Variants in SRP68 observed in about 807,000 individuals in gnomAD.
SRP68 encodes signal recognition particle 68.
A neutral mutation model predicts 82.2 loss-of-function variants in SRP68; 15 were observed. The ratio of observed to expected loss-of-function variants is 0.18; its 90% CI spans 0.12 to 0.28. The LOEUF is 0.28. Ranked by LOEUF, SRP68 falls within the 10% of genes least tolerant of loss-of-function variation. The pLI, the probability that SRP68 is intolerant of heterozygous loss-of-function variation, is 1.00. For missense variants in SRP68, 595 were observed against 780.5 expected (o/e 0.76, Z 2.83); for synonymous variants, 261 against 292.6 (o/e 0.89, Z 1.10).
rs982853222 is a variant in SRP68 at position 76,072,480 on chromosome 17, C to A, written c.12G>T (p.Glu4Asp). 2.5e-6 allele frequency: 4 copies of A among 1,582,902 alleles called. No homozygotes were observed. The African/African-American group carries it at 4.1e-5, about 16-fold the overall frequency. The change falls in exon 1 of 16, where the codon GAG (glutamate) becomes GAT (aspartate). Residue 4 changes from glutamate (E) to aspartate (D), a missense_variant. By Grantham distance (45) the Glu-to-Asp change is conservative. Transcript: ENST00000307877. This position sits in a 1 kb window ranked among gnomAD's most constrained non-coding sequence, Gnocchi z 4.5. MAAEKQVPGGGGGG... is the reference protein window; with the variant it reads MAADKQVPGGGGGG... ...CGCCGCCGCCGCCTGGGACCTGCTT[C>A]TCAGCAGCCATCTTGCCCCTGCGCC...
At chr17:76,055,626 T>A (rs964840837) in intron 8 of SRP68, among the ~76,000 whole-genome samples, 13 of 151,536 alleles carry the variant, frequency 8.6e-5, no homozygotes. Flanking sequence ...TGATGGTGGG[T>A]GCCTGTAGTC....
chr17:76,072,513 A>C lies in SRP68; in HGVS notation c.-22T>G, dbSNP rs1310929994. ...CCATCTTGCCCCTGCGCCGCAGAGC[A>C]AGACGGGATAGGGGAGGCGGGACGA... is the stretch of plus-strand genomic sequence containing the variant. On this transcript the variant is annotated 5_prime_UTR_variant, in exon 1 of 16. Coordinates refer to ENST00000307877, the MANE Select transcript of SRP68 (RefSeq NM_014230.4). This position sits in a 1 kb window ranked among gnomAD's most constrained non-coding sequence, Gnocchi z 4.5. The C allele has an allele frequency of 3.2e-6, 5 of 1,576,728 alleles. No homozygotes were observed. The highest frequency in any genetic ancestry group is 4.2e-4 in the Middle Eastern group (2 of 4,752).
At position 76,039,709 on chromosome 17, in the gene SRP68, G is replaced by A. The variant is rs2066574593; in HGVS notation, c.1881C>T (p.Ser627=). Reference sequence around the variant, plus strand: ...CCGCCCCCGAGGAAGAGCCTGGTTAGCTCCTGAATCCAAAGATGCCCTTGA... The same window carrying A: ...CCGCCCCCGAGGAAGAGCCTGGTTAACTCCTGAATCCAAAGATGCCCTTGA... ...GYIKGIFGFR[S] is the part of the protein sequence containing the mutation. The change falls in exon 16 of 16, where the codon AGC becomes AGT. Residue 627 remains serine, a synonymous_variant. Coordinates refer to ENST00000307877, the MANE Select transcript of SRP68 (RefSeq NM_014230.4). 6.2e-7 allele frequency: 1 copy of A among 1,611,400 alleles called. No individual in the cohort carries two copies. The highest frequency in any genetic ancestry group is 1.3e-5 in the African/African-American group (1 of 75,002).
intron 4 of SRP68, among the ~76,000 whole-genome samples, chr17:76,062,599 CATTATAT>C (rs1386089154): frequency 3.0e-4 from 22 of 73,310 alleles, no homozygotes; most frequent in East Asian, 8.1e-4. Context: ...ATATAATATA[CATTATAT>C]ATTATATAAT....
intron 1 of SRP68, among the ~76,000 whole-genome samples, chr17:76,070,671 T>C (rs1046819083): frequency 4.6e-5 from 7 of 151,876 alleles, no homozygotes; most frequent in Non-Finnish European, 1.0e-4. Flanking sequence ...TGAAACCCCG[T>C]CTCTACTAAA....
At chr17:76,041,944 C>T (rs1301294652) in intron 13 of SRP68, among the ~76,000 whole-genome samples, 3 of 151,954 alleles carry the variant, frequency 2.0e-5, no homozygotes, top group South Asian at 2.1e-4. Flanking sequence ...CGCCCAGGGG[C>T]GTGATCTTGG....
chr17:76,041,159 C>A, intron 13 of SRP68, 181 bp from the exon 14 acceptor site: 1 of 508,050 alleles, frequency 2.0e-6, no homozygotes, highest in Non-Finnish European at 3.5e-6. Flanking sequence ...ATGGGAAAAG[C>A]TATGCCACGG....
chr17:76,042,775 G>C (rs1598257231), intron 13 of SRP68, among the ~76,000 whole-genome samples: 1 of 105,120 alleles, frequency 9.5e-6, no homozygotes, highest in Non-Finnish European at 2.3e-5. Context: ...TGTAGAGACA[G>C]AGTTTCGCCA....
At chr17:76,048,033 C>T (rs986128469) in intron 9 of SRP68, 63 bp from the exon 10 acceptor site, 1 of 1,181,164 alleles carries the variant, frequency 8.5e-7, no homozygotes, top group African/African-American at 1.5e-5. Flanking sequence ...CTGACCACCT[C>T]ATGGAATGGT....
At position 76,070,240 on chromosome 17, in the gene SRP68, C is replaced by T; in HGVS notation, c.251+138G>A. On this transcript the variant is annotated intron_variant, in intron 2 of 15. Coordinates refer to ENST00000307877, the MANE Select transcript of SRP68 (RefSeq NM_014230.4). ...TCCATCTCAAAAAAAAAAAAAAAAA[C>T]AAAGCAAACAAACAAACAAAAAAAA... is the stretch of plus-strand genomic sequence containing the variant. 2.1e-5 allele frequency: 6 copies of T among 291,610 alleles called. No homozygotes were observed. In the East Asian group the frequency reaches 4.0e-4, roughly 19 times the overall value. The allele number at this position is 291,610 out of a possible 1,614,324, so 18.1% of individuals were successfully genotyped here. A position where few individuals can be genotyped will look rare whatever the true frequency, so the allele number is the denominator to read the frequency against.
At chr17:76,061,250 C>T in intron 5 of SRP68, 31 bp from the exon 6 acceptor site, 1 of 1,468,770 alleles carries the variant, frequency 6.8e-7, no homozygotes, top group Non-Finnish European at 9.5e-7. Flanking sequence ...GGTTTTACAT[C>T]AGCCTTATAT....
intron 15 of SRP68, 110 bp downstream of exon 15, chr17:76,040,309 G>A (rs1016799298): frequency 9.5e-7 from 1 of 1,051,798 alleles, no homozygotes; most frequent in Admixed American, 1.8e-5. Flanking sequence ...AGGGAGGGAG[G>A]TGGGGGGTTT....
chr17:76,047,536 C>T (rs1166615843), intron 10 of SRP68, among the ~76,000 whole-genome samples: 2 of 152,102 alleles, frequency 1.3e-5, no homozygotes, highest in Non-Finnish European at 2.9e-5. Flanking sequence ...ATAATCCCCG[C>T]ACTGTGGGAG....
intron 7 of SRP68, among the ~76,000 whole-genome samples, chr17:76,059,333 AG>A (rs2066734149): frequency 6.6e-6 from 1 of 152,026 alleles, no homozygotes; most frequent in African/African-American, 2.4e-5. Context: ...TCACGAGGTT[AG>A]GAGATTGAGA....
intron 7 of SRP68, among the ~76,000 whole-genome samples, chr17:76,059,307 G>A (rs1371361954): frequency 6.6e-6 from 1 of 152,204 alleles, no homozygotes; most frequent in Admixed American, 6.5e-5. Flanking sequence ...CACTCTGGGA[G>A]GCAGAGGCAG....
chr17:76,047,999 A>G (rs1280842226), intron 9 of SRP68, 29 bp from the exon 10 acceptor site: 2 of 1,490,466 alleles, frequency 1.3e-6, no homozygotes, highest in South Asian at 1.3e-5. Context: ...GTAAAAAGTA[A>G]AGCAACTGAT....
At chr17:76,070,495 C>T (rs377246784) in intron 1 of SRP68, 51 bp from the exon 2 acceptor site, 3 of 1,459,294 alleles carry the variant, frequency 2.1e-6, no homozygotes, top group Non-Finnish European at 2.9e-6. Flanking sequence ...CCAAACAAAT[C>T]AAAACCTGTA....
Position 76,039,461 on chromosome 17 carries a change from CT to C in SRP68, c.*244del, listed in dbSNP as rs775165111. Reference sequence around the variant, plus strand: ...ACAGGGCACCAGACAGCAGCGGCCCCTTTCCCAGGAGGTACAGGAGACAGGA... The same window carrying C: ...ACAGGGCACCAGACAGCAGCGGCCCCTTCCCAGGAGGTACAGGAGACAGGA... On this transcript the variant is annotated 3_prime_UTR_variant, in exon 16 of 16. Coordinates refer to ENST00000307877, the MANE Select transcript of SRP68 (RefSeq NM_014230.4). 3.6e-4 allele frequency: 233 copies of C among 652,982 alleles called. No individual in the cohort carries two copies. Among genetic ancestry groups the C allele is most frequent in the Non-Finnish European group, 5.0e-4 (179 of 354,964 alleles). The allele number at this position is 652,982 out of a possible 1,614,324, so 40.4% of individuals were successfully genotyped here. A position where few individuals can be genotyped will look rare whatever the true frequency, so the allele number is the denominator to read the frequency against.
rs551274909 is a variant in SRP68, at chr17:76,055,050, G to A, written c.978+2353C>T. On this transcript the variant is annotated intron_variant, in intron 8 of 15. Coordinates refer to ENST00000307877, the MANE Select transcript of SRP68 (RefSeq NM_014230.4). Reference sequence around the variant, plus strand: ...CGGCTCACTGCAACCTCCGCCTCCCGGGTTTAAGTGATTCTCCTGCCTCAG... The same window carrying A: ...CGGCTCACTGCAACCTCCGCCTCCCAGGTTTAAGTGATTCTCCTGCCTCAG... 1.7e-4 allele frequency among the ~76,000 whole-genome samples: 25 copies of A among 151,416 alleles called. No homozygotes were observed. The East Asian group carries it at 2.6e-3, about 16-fold the overall frequency.
Sources: allele counts gnomAD v4.1 joint callset (sites outside exome capture counted in the v4.1 genomes callset), GRCh38; gene constraint gnomAD v4.1.1; non-coding constraint Gnocchi (gnomAD v3.1); transcripts MANE v1.5; gene names NCBI Gene and HGNC (gene_info 2026-07-23, HGNC 2026-07-21).